ERVFRD-1: variants seen among roughly 807,000 people sequenced by gnomAD.
ERVFRD-1 encodes endogenous retrovirus group FRD member 1, envelope, also known as syncytin-2.
Under a neutral mutation model 43.8 loss-of-function variants are expected in ERVFRD-1, and 33 were observed. The observed-to-expected ratio is 0.75, with a 90% CI of 0.57 to 1.01. The LOEUF (loss-of-function observed/expected upper bound fraction) is 1.01. ERVFRD-1 is among the 50% of genes least tolerant of loss of function. ERVFRD-1 has a pLI of 0.00. For synonymous variants in ERVFRD-1, 239 were observed against 244.4 expected, an observed-to-expected ratio of 0.98 and a Z score of 0.21; for missense variants, 568 against 658.4, an observed-to-expected ratio of 0.86 and a Z score of 1.50.
intron 1 of ERVFRD-1, among the ~76,000 whole-genome samples, chr6:11,111,440 T>TG (rs543376145): frequency 1.3e-4 from 20 of 152,090 alleles, no homozygotes; most frequent in East Asian, 3.9e-4. Context: ...GCCTCCTGTC[T>TG]GGGGGGGCCA....
In ERVFRD-1 at chr6:11,107,639, A is replaced by G. The variant is rs562015521; in HGVS notation, c.-320-2009T>C. 5.9e-5 allele frequency among the ~76,000 whole-genome samples: 9 copies of G among 152,356 alleles called. No homozygotes were observed. The South Asian group carries it at 6.2e-4, about 11-fold the overall frequency. On this transcript the variant is annotated intron_variant, in intron 1 of 1. Coordinates refer to ENST00000472091, the MANE Select transcript of ERVFRD-1 (RefSeq NM_207582.3). ...ACAAAAGAAAGAGTCTTTAAGGTCTAAGACTGGAAACCACTGAGCATCTGG... is the reference window on the plus strand; with the variant it reads ...ACAAAAGAAAGAGTCTTTAAGGTCTGAGACTGGAAACCACTGAGCATCTGG...
chr6:11,111,689 T>G lies in ERVFRD-1; in HGVS notation c.-333A>C, dbSNP rs780225803. Reference sequence around the variant, plus strand: ...AGAGGTGTCTTACCACTAGGGAAGGTATCCGAGTCACTGCACCATTTGAGA... The same window carrying G: ...AGAGGTGTCTTACCACTAGGGAAGGGATCCGAGTCACTGCACCATTTGAGA... On this transcript the variant is annotated 5_prime_UTR_variant, in exon 1 of 2. Transcript: ENST00000472091. 3.3e-5 allele frequency: 5 copies of G among 152,204 alleles called. No homozygotes were observed. Among genetic ancestry groups the G allele is most frequent in the Non-Finnish European group, 7.3e-5 (5 of 68,072 alleles). The allele number at this position is 152,204 out of a possible 1,614,324, so 9.4% of individuals were successfully genotyped here. A position where few individuals can be genotyped will look rare whatever the true frequency, so the allele number is the denominator to read the frequency against.
chr6:11,111,244 A>G (rs1285680667), intron 1 of ERVFRD-1, among the ~76,000 whole-genome samples: 1 of 152,250 alleles, frequency 6.6e-6, no homozygotes, highest in Non-Finnish European at 1.5e-5. Context: ...AAGTAAGAAC[A>G]GAGAAAAGAC....
In ERVFRD-1 at chr6:11,104,667, CA is replaced by C. The variant is rs777093759; in HGVS notation, c.643del (p.Cys215ValfsTer43). ...AGAGCTGAGGTTGGAAATTTGCAGACATTGGTTATAATCAGCAGGCCGGAAC... is the reference window on the plus strand; with the variant it reads ...AGAGCTGAGGTTGGAAATTTGCAGACTTGGTTATAATCAGCAGGCCGGAAC... ...FWFRPADYNQCLQISNLSSTA... is the reference protein window; with the variant it reads ...FWFRPADYNQXLQISNLSSTA... On this transcript the variant is annotated frameshift_variant, in exon 2 of 2. Transcript: ENST00000472091. LOFTEE classifies it high-confidence loss of function. 3 of 1,614,188 alleles carry C rather than the reference CA, an allele frequency of 1.9e-6. No individual in the cohort carries two copies. In the Admixed American group the frequency reaches 5.0e-5, roughly 27 times the overall value.
At chr6:11,109,729 T>G (rs556078613) in intron 1 of ERVFRD-1, among the ~76,000 whole-genome samples, 2 of 152,248 alleles carry the variant, frequency 1.3e-5, no homozygotes, top group East Asian at 3.9e-4. Flanking sequence ...CAGGCTGTAT[T>G]ACAGAAAAAT....
Position 11,103,922 on chromosome 6 carries a change from C to G in ERVFRD-1, c.1389G>C (p.Arg463=). Residue 463 remains arginine (R), a synonymous_variant, in exon 2 of 2, where the codon CGG becomes CGC. Coordinates refer to ENST00000472091, the MANE Select transcript of ERVFRD-1 (RefSeq NM_207582.3). ...TTAACCAACCCTGAGTGGCTCGTTCCCGTAAACTGGAGGCTTGATTTAGGA... is the reference window on the plus strand; with the variant it reads ...TTAACCAACCCTGAGTGGCTCGTTCGCGTAAACTGGAGGCTTGATTTAGGA... ...RQLLNQASSL[R]ERATQGWLNW... 1 of 1,551,686 alleles carries G rather than the reference C, an allele frequency of 6.4e-7. No individual in the cohort carries two copies. The highest frequency in any genetic ancestry group is 8.7e-7 in the Non-Finnish European group (1 of 1,146,988).
Position 11,103,459 on chromosome 6 carries a change from CT to C in ERVFRD-1, c.*234del. On this transcript the variant is annotated 3_prime_UTR_variant, in exon 2 of 2. Transcript: ENST00000472091. The stretch of plus-strand genomic sequence containing the variant: ...GCTACCTGCTCCAACATTTCCCCCC[CT>C]CAAGAGTCCAAGACCCAATTATCTG... 1 of 551,092 alleles carries C rather than the reference CT, an allele frequency of 1.8e-6. No homozygotes were observed. The highest frequency in any genetic ancestry group is 3.5e-5 in the Admixed American group (1 of 28,692). 34.1% of individuals were successfully genotyped at this position (551,092 alleles called of 1,614,324 possible). A position where few individuals can be genotyped will look rare whatever the true frequency, so the allele number is the denominator to read the frequency against.
chr6:11,109,366 G>A (rs1242891213), intron 1 of ERVFRD-1, among the ~76,000 whole-genome samples: 1 of 152,190 alleles, frequency 6.6e-6, no homozygotes, highest in South Asian at 2.1e-4. Context: ...CTCCTGAATG[G>A]GGCATAACTT....
chr6:11,109,449 T>G (rs1758137495), intron 1 of ERVFRD-1, among the ~76,000 whole-genome samples: 1 of 151,980 alleles, frequency 6.6e-6, no homozygotes, highest in African/African-American at 2.4e-5. Context: ...TATAATTGGG[T>G]AGAAGGGGCA....
chr6:11,107,755 G>A (rs957697490), intron 1 of ERVFRD-1, among the ~76,000 whole-genome samples: 5 of 152,188 alleles, frequency 3.3e-5, no homozygotes, highest in Non-Finnish European at 7.4e-5. Flanking sequence ...GGACTAGCCT[G>A]TATTTTTCAT....
In ERVFRD-1 at chr6:11,103,150, G is replaced by A. The variant is rs1182135600; in HGVS notation, c.*544C>T. 1.3e-5 allele frequency: 2 copies of A among 152,684 alleles called. No individual in the cohort carries two copies. The highest frequency in any genetic ancestry group is 2.9e-5 in the Non-Finnish European group (2 of 68,480). 9.5% of individuals were successfully genotyped at this position (152,684 alleles called of 1,614,324 possible). ...CACTGGAGGAGTTTTTCCCTTACCA[G>A]TCAAGCCTTCCTAAAGGAAGGTCAT... On this transcript the variant is annotated 3_prime_UTR_variant, in exon 2 of 2. Coordinates refer to ENST00000472091, the MANE Select transcript of ERVFRD-1 (RefSeq NM_207582.3).
chr6:11,104,947 T>C lies in ERVFRD-1; in HGVS notation c.364A>G (p.Ile122Val), dbSNP rs1758061326. ...PIFTNINLMG[I>V]APICVMAKRK... ...TTGGCCATAACACAAATAGGGGCTA[T>C]TCCCATTAGGTTGATATTAGTAAAG... Residue 122 changes from isoleucine to valine, a missense_variant, in exon 2 of 2, where the codon ATA becomes GTA. Coordinates refer to ENST00000472091, the MANE Select transcript of ERVFRD-1 (RefSeq NM_207582.3). The C allele has an allele frequency of 6.2e-7, 1 of 1,614,118 alleles. No individual in the cohort carries two copies.
intron 1 of ERVFRD-1, among the ~76,000 whole-genome samples, chr6:11,108,161 C>T (rs759406689): frequency 2.0e-5 from 3 of 152,174 alleles, no homozygotes; most frequent in Non-Finnish European, 4.4e-5. Context: ...TGAGAAAAGA[C>T]GGTTTTCCCC....
chr6:11,110,075 G>A (rs1218587266), intron 1 of ERVFRD-1, among the ~76,000 whole-genome samples: 2 of 152,122 alleles, frequency 1.3e-5, no homozygotes, highest in African/African-American at 2.4e-5. Context: ...ACAATTACCC[G>A]TTTGTAAAGA....
chr6:11,110,058 T>C (rs1758145365), intron 1 of ERVFRD-1, among the ~76,000 whole-genome samples: 1 of 152,310 alleles, frequency 6.6e-6, no homozygotes, highest in South Asian at 2.1e-4. Flanking sequence ...TCTTGTTTTA[T>C]TGAGGCACAA....
chr6:11,105,066 A>C lies in ERVFRD-1; in HGVS notation c.245T>G (p.Leu82Arg). 1.2e-6 allele frequency: 2 copies of C among 1,614,198 alleles called. No individual in the cohort carries two copies. Among genetic ancestry groups the C allele is most frequent in the Non-Finnish European group, 1.7e-6 (2 of 1,180,028 alleles). Residue 82 changes from leucine (L) to arginine (R), a missense_variant, in exon 2 of 2, where the codon CTG (leucine) becomes CGG (arginine). Leu to Arg is a moderately radical substitution (Grantham distance 102). Transcript: ENST00000472091. ...ATTTGCAGGCCTCATCAGTCCTTTC[A>C]GATTAGGGTCCCATCGATAGGAAAT... ...LHISYRWDPN[L>R]KGLMRPANSL... is the part of the protein sequence containing the mutation.
intron 1 of ERVFRD-1, among the ~76,000 whole-genome samples, chr6:11,106,798 G>A (rs1758090423): frequency 1.3e-5 from 2 of 152,140 alleles, no homozygotes; most frequent in Admixed American, 6.6e-5. Flanking sequence ...GTGCACTATT[G>A]TCACCTCCTG....
chr6:11,104,379 C>T lies in ERVFRD-1; in HGVS notation c.932G>A (p.Ser311Asn), dbSNP rs375838954. 3.9e-6 allele frequency: 6 copies of T among 1,551,562 alleles called. No homozygotes were observed. Among genetic ancestry groups the T allele is most frequent in the Non-Finnish European group, 5.2e-6 (6 of 1,147,002 alleles). Residue 311 changes from serine (S) to asparagine (N), a missense_variant, in exon 2 of 2, where the codon AGT becomes AAT. Coordinates refer to ENST00000472091, the MANE Select transcript of ERVFRD-1 (RefSeq NM_207582.3). ...CGQSIHQCLP[S>N]NWTGTCTIGY... is the part of the protein sequence containing the mutation. ...TATGGTACAAGTTCCAGTCCAGTTACTGGGGAGGCATTGGTGAATCGACTG... is the reference window on the plus strand; with the variant it reads ...TATGGTACAAGTTCCAGTCCAGTTATTGGGGAGGCATTGGTGAATCGACTG...
At chr6:11,108,910 G>A (rs1381824109) in intron 1 of ERVFRD-1, among the ~76,000 whole-genome samples, 1 of 152,174 alleles carries the variant, frequency 6.6e-6, no homozygotes, top group East Asian at 1.9e-4. Context: ...AAAATGGTGA[G>A]GTTTTCATAA....
Sources: allele counts gnomAD v4.1 joint callset (sites outside exome capture counted in the v4.1 genomes callset), GRCh38; gene constraint gnomAD v4.1.1; transcripts MANE v1.5; gene names NCBI Gene and HGNC (gene_info 2026-07-23, HGNC 2026-07-21).